Variants in PDE9A observed in about 807,000 individuals in gnomAD.
PDE9A encodes the protein high affinity cGMP-specific 3',5'-cyclic phosphodiesterase 9A.
In PDE9A, 60 loss-of-function variants were observed where a neutral mutation model predicts 87.4. The observed-to-expected ratio is 0.69, with a 90% CI of 0.56 to 0.85. PDE9A has a LOEUF of 0.85. Ranked by LOEUF, PDE9A falls within the 40% of genes least tolerant of loss-of-function variation. The pLI, the probability that PDE9A is intolerant of heterozygous loss-of-function variation, is 0.00. For missense variants in PDE9A, 665 were observed against 779.0 expected, an observed-to-expected ratio of 0.85 and a Z score of 1.74; for synonymous variants, 272 against 279.4, an observed-to-expected ratio of 0.97 and a Z score of 0.27.
At chr21:42,666,173 C>T (rs914884163) in intron 1 of PDE9A, among the ~76,000 whole-genome samples, 20 of 151,932 alleles carry the variant, frequency 1.3e-4, no homozygotes, top group Admixed American at 2.6e-4. Flanking sequence ...GTGCAGTGGG[C>T]GTGGTCATCA....
chr21:42,762,275 G>A, intron 14 of PDE9A, 36 bp downstream of exon 14: 3 of 1,602,316 alleles, frequency 1.9e-6, no homozygotes, highest in Non-Finnish European at 8.5e-7. Flanking sequence ...CGGAGTGGGG[G>A]CACATTCAGG....
intron 4 of PDE9A, among the ~76,000 whole-genome samples, chr21:42,721,352 T>C (rs1032175247): frequency 6.6e-6 from 1 of 152,200 alleles, no homozygotes; most frequent in Non-Finnish European, 1.5e-5. Flanking sequence ...AACTTCACGT[T>C]TGGCCACCAG....
chr21:42,715,163 G>T (rs899859234), intron 4 of PDE9A, among the ~76,000 whole-genome samples: 1 of 134,228 alleles, frequency 7.5e-6, no homozygotes, highest in Admixed American at 7.3e-5. Flanking sequence ...CTCGGCTGTT[G>T]TAAGTGTTAC....
intron 4 of PDE9A, among the ~76,000 whole-genome samples, chr21:42,713,344 G>C (rs2049521057): frequency 6.6e-6 from 1 of 152,188 alleles, no homozygotes; most frequent in South Asian, 2.1e-4. Context: ...ATGTTGGTCA[G>C]GGTGGTCTCG....
intron 6 of PDE9A, 36 bp downstream of exon 6, chr21:42,732,160 T>A: frequency 3.8e-6 from 6 of 1,590,716 alleles, no homozygotes; most frequent in Non-Finnish European, 5.2e-6. Context: ...CAGCCAGAGA[T>A]GGGCACATCT....
rs192811896 is a variant in PDE9A at position 42,694,525 on chromosome 21, C to T, written c.219-4443C>T. 2.6e-4 allele frequency among the ~76,000 whole-genome samples: 39 copies of T among 152,332 alleles called. No homozygotes were observed. Among genetic ancestry groups the T allele is most frequent in the Admixed American group, 5.2e-4 (8 of 15,310 alleles). Reference sequence around the variant, plus strand: ...ATCAGAAGGGGTGATGCCGGTTGCACGGTCTCTTAGAGCTTAAAACTCTAG... The same window carrying T: ...ATCAGAAGGGGTGATGCCGGTTGCATGGTCTCTTAGAGCTTAAAACTCTAG... On this transcript the variant is annotated intron_variant, in intron 3 of 19. Transcript: ENST00000291539. This position sits in a 1 kb window ranked among gnomAD's most constrained non-coding sequence, Gnocchi z 5.3.
intron 1 of PDE9A, among the ~76,000 whole-genome samples, chr21:42,678,863 TG>T (rs1054065440): frequency 6.6e-6 from 1 of 152,136 alleles, no homozygotes; most frequent in Non-Finnish European, 1.5e-5. Context: ...CAGACAGGGC[TG>T]GGGGAGGCAG....
At chr21:42,662,908 CCATGCA>C (rs1295378100) in intron 1 of PDE9A, among the ~76,000 whole-genome samples, 3 of 147,384 alleles carry the variant, frequency 2.0e-5, no homozygotes, top group Admixed American at 6.8e-5. Context: ...ACCACACACA[CCATGCA>C]CATGCACATC....
intron 4 of PDE9A, among the ~76,000 whole-genome samples, chr21:42,726,608 A>ATTTT (rs1569207144): frequency 4.5e-5 from 1 of 22,118 alleles, no homozygotes; most frequent in African/African-American, 4.2e-4. Flanking sequence ...ATATATATAT[A>ATTTT]TATATATATA....
In PDE9A at chr21:42,691,092, G is replaced by A. The variant is rs557981541; in HGVS notation, c.218+3098G>A. On this transcript the variant is annotated intron_variant, in intron 3 of 19. Transcript: ENST00000291539. Reference sequence around the variant, plus strand: ...ATCACCATTCAAAGTCACCCACCCCGATACCATCACCATCCAAAGTCACCC... The same window carrying A: ...ATCACCATTCAAAGTCACCCACCCCAATACCATCACCATCCAAAGTCACCC... Among the ~76,000 whole-genome samples the A allele has an allele frequency of 1.2e-4, 15 of 126,122 alleles. No homozygotes were observed. In the South Asian group the frequency reaches 1.3e-3, roughly 11 times the overall value. 82.7% of individuals were successfully genotyped at this position (126,122 alleles called of 152,430 possible).
chr21:42,688,321 C>T (rs533271018), intron 3 of PDE9A, among the ~76,000 whole-genome samples: 5 of 152,058 alleles, frequency 3.3e-5, no homozygotes, highest in Non-Finnish European at 7.4e-5. Flanking sequence ...CACATTAACC[C>T]CAGGAAGGAC....
chr21:42,768,975 G>A, intron 16 of PDE9A, 52 bp from the exon 17 acceptor site: 5 of 1,570,764 alleles, frequency 3.2e-6, no homozygotes, highest in Non-Finnish European at 4.3e-6. Flanking sequence ...ACAGCGATCT[G>A]GTTATGGGGC....
At chr21:42,713,221 G>A (rs752748818) in intron 4 of PDE9A, among the ~76,000 whole-genome samples, 3 of 152,044 alleles carry the variant, frequency 2.0e-5, no homozygotes, top group Non-Finnish European at 2.9e-5. Flanking sequence ...TGCAACCTCC[G>A]CCTCCAGGCT....
chr21:42,756,225 A>G (rs1037447028), intron 10 of PDE9A, among the ~76,000 whole-genome samples: 10 of 152,216 alleles, frequency 6.6e-5, no homozygotes, highest in Non-Finnish European at 5.9e-5. Context: ...CCTGTGTGTG[A>G]GAATGCAGAG....
chr21:42,711,247 T>C (rs2049308453), intron 4 of PDE9A, among the ~76,000 whole-genome samples: 1 of 149,410 alleles, frequency 6.7e-6, no homozygotes, highest in African/African-American at 2.5e-5. Flanking sequence ...GTGTCTTCTC[T>C]AATAAGTTTT....
intron 1 of PDE9A, among the ~76,000 whole-genome samples, chr21:42,684,704 C>T (rs1484719002): frequency 1.3e-5 from 2 of 152,184 alleles, no homozygotes; most frequent in African/African-American, 4.8e-5. Flanking sequence ...GCTACTGCAC[C>T]CGTGCGAGCA....
At chr21:42,690,806 CT>C (rs1448484261) in intron 3 of PDE9A, among the ~76,000 whole-genome samples, 2 of 152,268 alleles carry the variant, frequency 1.3e-5, no homozygotes, top group East Asian at 3.9e-4. Context: ...CAACTTACCC[CT>C]GTACCCACGC....
At position 42,687,919 on chromosome 21, in the gene PDE9A, A is replaced by G; in HGVS notation, c.143A>G (p.Asn48Ser). 6.2e-7 allele frequency: 1 copy of G among 1,613,092 alleles called. No individual in the cohort carries two copies. The highest frequency in any genetic ancestry group is 8.5e-7 in the Non-Finnish European group (1 of 1,179,892). ...LFCIATGLPR[N>S]TTISLLTTDD... ...ACGGGCTTGGGTGTGTTTTCCAGGAACACGACCATCTCCCTGCTGACCACC... is the reference window on the plus strand; with the variant it reads ...ACGGGCTTGGGTGTGTTTTCCAGGAGCACGACCATCTCCCTGCTGACCACC... The change falls in exon 3 of 20, where the codon AAC becomes AGC. Residue 48 changes from asparagine to serine, a missense_variant and splice_region_variant. By Grantham distance (46) the Asn-to-Ser change is conservative (BLOSUM62 1). Transcript: ENST00000291539.
At chr21:42,654,968 G>T (rs1188279542) in intron 1 of PDE9A, among the ~76,000 whole-genome samples, 1 of 151,814 alleles carries the variant, frequency 6.6e-6, no homozygotes, top group Non-Finnish European at 1.5e-5. Flanking sequence ...CTGGGCAGCG[G>T]CAGACGCACA....
Sources: gnomAD v4.1 joint callset for allele counts (sites outside exome capture counted in the v4.1 genomes callset) on GRCh38, gnomAD v4.1.1 for gene constraint, Gnocchi (gnomAD v3.1) non-coding constraint, MANE v1.5 for transcripts, NCBI Gene and HGNC (gene_info 2026-07-23, HGNC 2026-07-21) for gene names.